Variants in CAB39L observed in about 807,000 individuals in gnomAD.
The protein encoded by CAB39L is calcium binding protein 39 like, also known as calcium-binding protein 39-like.
CAB39L carries 23 observed loss-of-function variants against 39.1 expected under a neutral mutation model. The observed-to-expected ratio is 0.59, with a 90% CI of 0.42 to 0.83. CAB39L has a LOEUF of 0.83. Among genes scored for constraint, CAB39L ranks in the 40% least tolerant of loss-of-function variants. The probability of loss-of-function intolerance (pLI) is 0.00; values close to 1 mark genes in which losing one functional copy is unlikely to be tolerated. For synonymous variants in CAB39L, 126 were observed against 137.2 expected (o/e 0.92, Z 0.57); for missense variants, 366 against 391.9 (o/e 0.93, Z 0.56).
At chr13:49,375,848 G>A (rs1015397512) in intron 5 of CAB39L, among the ~76,000 whole-genome samples, 7 of 150,358 alleles carry the variant, frequency 4.7e-5, no homozygotes, top group Non-Finnish European at 1.0e-4. Flanking sequence ...AAATGCCAAA[G>A]GCAGAGAAAG....
At chr13:49,340,866 C>A (rs1037629352) in intron 8 of CAB39L, among the ~76,000 whole-genome samples, 1 of 152,126 alleles carries the variant, frequency 6.6e-6, no homozygotes, top group Non-Finnish European at 1.5e-5. Flanking sequence ...TCTCAGAGCT[C>A]GCATTCAGGC....
intron 8 of CAB39L, among the ~76,000 whole-genome samples, 165 bp from the exon 9 acceptor site, chr13:49,339,907 A>AG (rs1954957175): frequency 6.6e-6 from 1 of 152,218 alleles, no homozygotes; most frequent in Non-Finnish European, 1.5e-5. Flanking sequence ...GAATTACAAG[A>AG]GACATCCTTC....
intron 10 of CAB39L, among the ~76,000 whole-genome samples, chr13:49,312,038 T>G (rs1337288024): frequency 6.6e-6 from 1 of 152,092 alleles, no homozygotes; most frequent in Non-Finnish European, 1.5e-5. Context: ...GGACTACAAG[T>G]GCATGCCACT....
intron 8 of CAB39L, among the ~76,000 whole-genome samples, chr13:49,341,032 C>T (rs1012209416): frequency 6.6e-6 from 1 of 152,184 alleles, no homozygotes; most frequent in African/African-American, 2.4e-5. Flanking sequence ...AGCATTACTG[C>T]ACAACACATT....
chr13:49,310,693 A>T lies in CAB39L; in HGVS notation c.*121T>A. 1.1e-6 allele frequency: 1 copy of T among 946,404 alleles called. No homozygotes were observed. The highest frequency in any genetic ancestry group is 1.6e-6 in the Non-Finnish European group (1 of 628,050). The allele number at this position is 946,404 out of a possible 1,614,324, so 58.6% of individuals were successfully genotyped here. ...TGTTTATACTCCATCTACCCAGAAC[A>T]ATTACAGCAGAAAAAATAGGCACCT... On this transcript the variant is annotated 3_prime_UTR_variant, in exon 11 of 11. Coordinates refer to ENST00000409308, the MANE Select transcript of CAB39L (RefSeq NM_001079670.3).
intron 7 of CAB39L, among the ~76,000 whole-genome samples, chr13:49,347,489 A>C (rs1299835617): frequency 6.6e-6 from 1 of 152,158 alleles, no homozygotes; most frequent in Non-Finnish European, 1.5e-5. Context: ...TTTTTAAAAA[A>C]TGAATTTACT....
At position 49,382,826 on chromosome 13, in the gene CAB39L, C is replaced by T. The variant is rs765817577; in HGVS notation, c.85G>A (p.Glu29Lys). The part of the protein sequence containing the change: ...KILKDNLAIL[E>K]KQDKKTDKAS... Reference sequence around the variant, plus strand: ...TTGTCTGTCTTTTTGTCTTGCTTTTCCAAAATGGCCAAATTGTCTTTCAGG... The same window carrying T: ...TTGTCTGTCTTTTTGTCTTGCTTTTTCAAAATGGCCAAATTGTCTTTCAGG... Residue 29 changes from glutamate (E) to lysine (K), a missense_variant, in exon 4 of 11, where the codon GAA becomes AAA. Glu to Lys is a moderately conservative substitution (Grantham distance 56). Coordinates refer to ENST00000409308, the MANE Select transcript of CAB39L (RefSeq NM_001079670.3). 2.5e-6 allele frequency: 4 copies of T among 1,610,736 alleles called. No homozygotes were observed. Among genetic ancestry groups the T allele is most frequent in the East Asian group, 4.5e-5 (2 of 44,616 alleles).
chr13:49,358,372 A>T (rs1039276274), intron 6 of CAB39L, among the ~76,000 whole-genome samples: 5 of 152,254 alleles, frequency 3.3e-5, no homozygotes, highest in Non-Finnish European at 5.9e-5. Context: ...GAAAGGAAAT[A>T]GAATAATGGT....
chr13:49,404,203 T>C (rs1956828716), intron 3 of CAB39L, among the ~76,000 whole-genome samples: 1 of 151,910 alleles, frequency 6.6e-6, no homozygotes, highest in South Asian at 2.1e-4. Context: ...AGAGAAAGAC[T>C]CAGTAAGGGA....
chr13:49,339,767 G>A, intron 8 of CAB39L, 25 bp from the exon 9 acceptor site: 1 of 1,535,670 alleles, frequency 6.5e-7, no homozygotes, highest in Non-Finnish European at 8.7e-7. Context: ...ATACACATTA[G>A]AGTGTAAAAG....
rs1291289608 is a variant in CAB39L at position 49,326,220 on chromosome 13, A to T, written c.834+5727T>A. 2.0e-5 allele frequency among the ~76,000 whole-genome samples: 3 copies of T among 152,342 alleles called. No individual in the cohort carries two copies. In the East Asian group the frequency reaches 5.8e-4, roughly 29 times the overall value. The stretch of plus-strand genomic sequence containing the variant: ...AAGGGAGAAGATCATCTCATAATGT[A>T]TCCCTCAATCCATATTGGGCACATC... On this transcript the variant is annotated intron_variant, in intron 10 of 10. Transcript: ENST00000409308.
At chr13:49,393,469 A>C (rs767688838) in intron 3 of CAB39L, among the ~76,000 whole-genome samples, 1 of 152,060 alleles carries the variant, frequency 6.6e-6, no homozygotes, top group Non-Finnish European at 1.5e-5. Context: ...TCATCCCTTC[A>C]GCTAGCCATC....
intron 8 of CAB39L, among the ~76,000 whole-genome samples, 177 bp from the exon 9 acceptor site, chr13:49,339,919 C>A (rs1347331557): frequency 6.6e-6 from 1 of 152,152 alleles, no homozygotes; most frequent in Non-Finnish European, 1.5e-5. Flanking sequence ...ACATCCTTCC[C>A]TATTTTATTT....
At chr13:49,399,512 T>C (rs1956719478) in intron 3 of CAB39L, among the ~76,000 whole-genome samples, 1 of 152,128 alleles carries the variant, frequency 6.6e-6, no homozygotes, top group South Asian at 2.1e-4. Context: ...AGCAATGGTT[T>C]TTCTACAGCA....
chr13:49,388,452 G>A (rs1246176069), intron 3 of CAB39L, among the ~76,000 whole-genome samples: 1 of 152,088 alleles, frequency 6.6e-6, no homozygotes, highest in East Asian at 1.9e-4. Context: ...AATCAGGTTG[G>A]TTTTAGACTT....
At chr13:49,382,547 T>C (rs1478768273) in intron 4 of CAB39L, 3 of 270,134 alleles carry the variant, frequency 1.1e-5, no homozygotes, top group African/African-American at 6.7e-5. Flanking sequence ...CAGTATAACC[T>C]TTTAGATCTT....
chr13:49,383,845 AAAC>A (rs1956298944), intron 3 of CAB39L, among the ~76,000 whole-genome samples: 1 of 152,210 alleles, frequency 6.6e-6, no homozygotes, highest in Non-Finnish European at 1.5e-5. Context: ...AACAAAATGA[AAAC>A]AATATGTATA....
chr13:49,380,931 ATTTG>A (rs971310515), intron 4 of CAB39L, among the ~76,000 whole-genome samples: 4 of 151,760 alleles, frequency 2.6e-5, no homozygotes, highest in African/African-American at 9.7e-5. Context: ...ACTTTTATTT[ATTTG>A]TTTATTTTTA....
intron 6 of CAB39L, among the ~76,000 whole-genome samples, chr13:49,352,053 G>A (rs1418291482): frequency 6.6e-6 from 1 of 152,120 alleles, no homozygotes; most frequent in African/African-American, 2.4e-5. Context: ...AAAGATAGGA[G>A]AGACCTATAT....
Sources: gnomAD v4.1 joint callset for allele counts (sites outside exome capture counted in the v4.1 genomes callset) on GRCh38, gnomAD v4.1.1 for gene constraint, MANE v1.5 for transcripts, NCBI Gene and HGNC (gene_info 2026-07-23, HGNC 2026-07-21) for gene names.